Variants in CNOT10 observed in about 807,000 individuals in gnomAD.
CNOT10 encodes the protein CCR4-NOT transcription complex, subunit 10.
CNOT10 carries 30 observed loss-of-function variants against 94.6 expected under a neutral mutation model. That is an observed-to-expected ratio of 0.32 (90% CI 0.24 to 0.43). The LOEUF is 0.43. Ranked by LOEUF, CNOT10 falls within the 20% of genes least tolerant of loss-of-function variation. CNOT10 has a pLI of 1.00. For synonymous variants in CNOT10, 289 were observed against 301.6 expected (o/e 0.96, Z 0.43); for missense variants, 759 against 877.2 (o/e 0.87, Z 1.70).
intron 13 of CNOT10, chr3:32,753,878 G>T: frequency 7.3e-7 from 1 of 1,365,494 alleles, no homozygotes; most frequent in East Asian, 2.3e-5. Flanking sequence ...CAATCCTGAT[G>T]ATATGGAATG....
intron 1 of CNOT10, 144 bp downstream of exon 1, chr3:32,685,626 C>A: frequency 1.1e-6 from 1 of 882,602 alleles, no homozygotes; most frequent in Non-Finnish European, 1.7e-6. Flanking sequence ...TCCTCTGTCT[C>A]GGCTGTCGCT....
rs2125525226 is a variant in CNOT10, at chr3:32,708,913, T to C, written c.430+93T>C. The C allele has an allele frequency of 1.6e-5, 15 of 946,256 alleles. No homozygotes were observed. The South Asian group carries it at 3.0e-4, about 19-fold the overall frequency. 58.6% of individuals were successfully genotyped at this position (946,256 alleles called of 1,614,324 possible). Reference sequence around the variant, plus strand: ...ACCTAGATAACCTAAATCCGAGAAGTCCATGCCAGTATTCAAAGAAAAGCC... The same window carrying C: ...ACCTAGATAACCTAAATCCGAGAAGCCCATGCCAGTATTCAAAGAAAAGCC... On this transcript the variant is annotated intron_variant, in intron 4 of 18. Coordinates refer to ENST00000328834, the MANE Select transcript of CNOT10 (RefSeq NM_015442.3).
chr3:32,723,775 C>T (rs1698528132), intron 8 of CNOT10, among the ~76,000 whole-genome samples: 1 of 152,110 alleles, frequency 6.6e-6, no homozygotes, highest in Non-Finnish European at 1.5e-5. Context: ...GAAAAAACAT[C>T]TGTAACCAAA....
chr3:32,717,403 AT>A (rs370606070), intron 7 of CNOT10, among the ~76,000 whole-genome samples, 166 bp downstream of exon 7: 104 of 146,200 alleles, frequency 7.1e-4, no homozygotes, highest in South Asian at 8.7e-4. Flanking sequence ...CTATAGTTTA[AT>A]TTTTTTTTTT....
chr3:32,754,100 C>T (rs1700088930), intron 13 of CNOT10, among the ~76,000 whole-genome samples: 1 of 150,380 alleles, frequency 6.6e-6, no homozygotes, highest in East Asian at 2.0e-4. Context: ...AAAACTCTGT[C>T]TCAAAAAAAA....
intron 12 of CNOT10, among the ~76,000 whole-genome samples, chr3:32,735,294 G>A (rs972055694): frequency 1.3e-5 from 2 of 150,344 alleles, no homozygotes; most frequent in African/African-American, 5.0e-5. Flanking sequence ...GCAGCGAGCC[G>A]AGATTGTGCC....
At chr3:32,720,939 C>G (rs945442678) in intron 8 of CNOT10, among the ~76,000 whole-genome samples, 1 of 140,902 alleles carries the variant, frequency 7.1e-6, no homozygotes, top group African/African-American at 2.7e-5. Flanking sequence ...TCCTTCCCTT[C>G]TTCCCTTCCT....
At chr3:32,767,268 C>T (rs981226635) in intron 17 of CNOT10, among the ~76,000 whole-genome samples, 1 of 152,102 alleles carries the variant, frequency 6.6e-6, no homozygotes, top group African/African-American at 2.4e-5. Flanking sequence ...CCTGTAATCC[C>T]AACACTTTGG....
chr3:32,692,240 G>A (rs1696884384), intron 1 of CNOT10, among the ~76,000 whole-genome samples: 1 of 152,074 alleles, frequency 6.6e-6, no homozygotes. Flanking sequence ...GCATGTGCCT[G>A]TAGTCCCAGC....
chr3:32,700,994 C>T (rs1039708938), intron 1 of CNOT10, among the ~76,000 whole-genome samples: 11 of 152,138 alleles, frequency 7.2e-5, no homozygotes, highest in African/African-American at 2.7e-4. Flanking sequence ...AATGACTAAG[C>T]CAAGCGCAGT....
intron 14 of CNOT10, 52 bp downstream of exon 14, chr3:32,759,623 T>A: frequency 7.5e-7 from 1 of 1,339,206 alleles, no homozygotes; most frequent in Non-Finnish European, 1.1e-6. Context: ...TTGAGGTTTC[T>A]CCTTGGTTTG....
chr3:32,720,673 C>T, intron 8 of CNOT10, among the ~76,000 whole-genome samples: 1 of 151,280 alleles, frequency 6.6e-6, no homozygotes, highest in Non-Finnish European at 1.5e-5. Context: ...ATTGTAGAAA[C>T]AAGGTCTCAT....
At chr3:32,686,529 A>C (rs561079383) in intron 1 of CNOT10, among the ~76,000 whole-genome samples, 1 of 152,296 alleles carries the variant, frequency 6.6e-6, no homozygotes, top group South Asian at 2.1e-4. Context: ...AGGCCTTGAG[A>C]GGGTATAAGG....
chr3:32,699,905 G>T lies in CNOT10; in HGVS notation c.23-3963G>T, dbSNP rs192604826. 6.2e-4 allele frequency among the ~76,000 whole-genome samples: 95 copies of T among 152,024 alleles called. 3 individuals carry two copies. The highest frequency in any genetic ancestry group is 5.9e-5 in the Non-Finnish European group (4 of 68,002). ...GACAAGGTGGTCTACTATTTCTCAT[G>T]TGGGTATTTGTCTTCCATAGAAACC... On this transcript the variant is annotated intron_variant, in intron 1 of 18. Coordinates refer to ENST00000328834, the MANE Select transcript of CNOT10 (RefSeq NM_015442.3).
intron 8 of CNOT10, among the ~76,000 whole-genome samples, chr3:32,720,635 G>A (rs1479011101): frequency 1.3e-5 from 2 of 151,784 alleles, no homozygotes; most frequent in African/African-American, 4.8e-5. Flanking sequence ...TGGGACTATA[G>A]GCATGCACCA....
Position 32,725,466 on chromosome 3 carries a change from C to T in CNOT10, c.879C>T (p.Cys293=), listed in dbSNP as rs1252960703. The T allele has an allele frequency of 6.2e-7, 1 of 1,612,898 alleles. No homozygotes were observed. Among genetic ancestry groups the T allele is most frequent in the South Asian group, 1.1e-5 (1 of 90,650 alleles). Residue 293 remains cysteine, a synonymous_variant, in exon 9 of 19, where the codon TGC becomes TGT. Transcript: ENST00000328834. ...GFMKTGECLR[C]MFWNNLGCIH... is the part of the protein sequence containing the mutation. ...TTTTTTCAGGTGAATGCTTGAGATG[C>T]ATGTTCTGGAATAACCTTGGTTGCA...
At chr3:32,709,112 C>T (rs547416030) in intron 4 of CNOT10, among the ~76,000 whole-genome samples, 4 of 152,286 alleles carry the variant, frequency 2.6e-5, no homozygotes, top group South Asian at 4.1e-4. Context: ...TGTACCTGAT[C>T]CTTTCTTACT....
At position 32,725,468 on chromosome 3, in the gene CNOT10, T is replaced by C. The variant is rs150996180; in HGVS notation, c.881T>C (p.Met294Thr). ...FMKTGECLRC[M>T]FWNNLGCIHF... is the part of the protein sequence containing the mutation. Reference sequence around the variant, plus strand: ...TTTTCAGGTGAATGCTTGAGATGCATGTTCTGGAATAACCTTGGTTGCATC... The same window carrying C: ...TTTTCAGGTGAATGCTTGAGATGCACGTTCTGGAATAACCTTGGTTGCATC... Residue 294 changes from methionine (M) to threonine (T), a missense_variant, in exon 9 of 19, where the codon ATG (methionine) becomes ACG (threonine). Around this residue, in one of 3 missense-constraint regions of CNOT10, gnomAD observed 682 missense variants for 799.4 expected, o/e 0.85. Transcript: ENST00000328834. 2.7e-4 allele frequency: 437 copies of C among 1,613,096 alleles called. No individual in the cohort carries two copies. The highest frequency in any genetic ancestry group is 3.5e-4 in the Non-Finnish European group (411 of 1,179,754).
chr3:32,693,789 A>G (rs1426735569), intron 1 of CNOT10, among the ~76,000 whole-genome samples: 6 of 151,658 alleles, frequency 4.0e-5, no homozygotes, highest in Non-Finnish European at 8.8e-5. Flanking sequence ...CCATCCTCCC[A>G]CCTTGACCTC....
Sources: allele counts gnomAD v4.1 joint callset (sites outside exome capture counted in the v4.1 genomes callset), GRCh38; gene constraint gnomAD v4.1.1; regional missense constraint gnomAD v4.1.1; transcripts MANE v1.5; gene names NCBI Gene and HGNC (gene_info 2026-07-23, HGNC 2026-07-21).